The following NUGGC variants were observed in gnomAD, a reference collection of about 807,000 sequenced individuals.
The protein encoded by NUGGC is nuclear GTPase, germinal center associated, also known as nuclear GTPase SLIP-GC.
In NUGGC, 58 loss-of-function variants were observed where a neutral mutation model predicts 92.6. The ratio of observed to expected loss-of-function variants is 0.63; its 90% CI spans 0.51 to 0.78. The LOEUF is 0.78. Among genes scored for constraint, NUGGC ranks in the 30% least tolerant of loss-of-function variants. NUGGC has a pLI of 0.00. For missense variants in NUGGC, 925 were observed against 964.6 expected, an observed-to-expected ratio of 0.96 and a Z score of 0.54; for synonymous variants, 376 against 366.4, an observed-to-expected ratio of 1.03 and a Z score of -0.30.
chr8:28,050,004 T>C (rs1809949443), intron 10 of NUGGC, among the ~76,000 whole-genome samples: 1 of 152,100 alleles, frequency 6.6e-6, no homozygotes, highest in African/African-American at 2.4e-5. Context: ...GGAGAATTCC[T>C]TGAGCCTGGG....
Position 28,022,005 on chromosome 8 carries a change from A to G in NUGGC, c.*1312T>C, listed in dbSNP as rs890916858. 8 of 152,222 alleles carry G rather than the reference A, an allele frequency of 5.3e-5. No individual in the cohort carries two copies. Among genetic ancestry groups the G allele is most frequent in the African/African-American group, 1.7e-4 (7 of 41,414 alleles). 9.4% of individuals were successfully genotyped at this position (152,222 alleles called of 1,614,324 possible). Reference sequence around the variant, plus strand: ...TTTATTTTGCAATGTTTTCCATAATACTTAAGTTTTTCAACGTTTAGATAT... The same window carrying G: ...TTTATTTTGCAATGTTTTCCATAATGCTTAAGTTTTTCAACGTTTAGATAT... On this transcript the variant is annotated 3_prime_UTR_variant, in exon 19 of 19. Coordinates refer to ENST00000413272, the MANE Select transcript of NUGGC (RefSeq NM_001010906.2).
chr8:28,050,169 G>A (rs191825224), intron 10 of NUGGC, among the ~76,000 whole-genome samples: 20 of 151,386 alleles, frequency 1.3e-4, no homozygotes, highest in Admixed American at 7.2e-4. Flanking sequence ...GCAAATCACC[G>A]GAGGTCTGGA....
chr8:28,024,195 CTT>C (rs763885790), intron 18 of NUGGC, among the ~76,000 whole-genome samples: 20 of 124,004 alleles, frequency 1.6e-4, no homozygotes, highest in African/African-American at 5.2e-4. Context: ...TAAATTCTTT[CTT>C]TTTTTTTTTT....
Position 28,029,404 on chromosome 8 carries a change from T to C in NUGGC, c.2018-2A>G, listed in dbSNP as rs1283999063. 5.0e-6 allele frequency: 8 copies of C among 1,611,862 alleles called. No individual in the cohort carries two copies. In the Admixed American group the frequency reaches 6.7e-5, roughly 13 times the overall value. On this transcript the variant is annotated splice_acceptor_variant, in intron 16 of 18. Transcript: ENST00000413272. LOFTEE classifies it high-confidence loss of function. ...TTTTGCCCGTGATCTGAGCTGCCTC[T>C]GGCAAAAATGATAGCCACAGTCACA...
intron 5 of NUGGC, 60 bp from the exon 6 acceptor site, chr8:28,067,804 CAG>C: frequency 7.5e-7 from 1 of 1,339,472 alleles, no homozygotes; most frequent in Non-Finnish European, 1.1e-6. Flanking sequence ...CACCGACAAA[CAG>C]AGGGGCCCAT....
Position 28,045,517 on chromosome 8 carries a change from T to C in NUGGC, c.1446+10A>G. 1 of 1,610,334 alleles carries C rather than the reference T, an allele frequency of 6.2e-7. No individual in the cohort carries two copies. Among genetic ancestry groups the C allele is most frequent in the South Asian group, 1.1e-5 (1 of 90,362 alleles). On this transcript the variant is annotated intron_variant, in intron 12 of 18. Coordinates refer to ENST00000413272, the MANE Select transcript of NUGGC (RefSeq NM_001010906.2). ...AGGGGGAGAATATGAAAACCCAGTGTCTTCCATACCGGCAGGTTTTGCGTG... is the reference window on the plus strand; with the variant it reads ...AGGGGGAGAATATGAAAACCCAGTGCCTTCCATACCGGCAGGTTTTGCGTG...
intron 1 of NUGGC, among the ~76,000 whole-genome samples, chr8:28,079,840 G>A (rs572604221): frequency 5.9e-5 from 9 of 152,354 alleles, no homozygotes; most frequent in African/African-American, 1.9e-4. Flanking sequence ...GGGAGAGAGA[G>A]TAGCAACTTG....
intron 18 of NUGGC, among the ~76,000 whole-genome samples, chr8:28,025,717 C>T (rs751128355): frequency 1.1e-4 from 16 of 152,130 alleles, no homozygotes; most frequent in Non-Finnish European, 1.9e-4. Flanking sequence ...AAGTGCAGAA[C>T]GGATTGTTAG....
intron 1 of NUGGC, among the ~76,000 whole-genome samples, chr8:28,083,556 T>C (rs1370672977): frequency 6.6e-6 from 1 of 152,152 alleles, no homozygotes; most frequent in African/African-American, 2.4e-5. Flanking sequence ...AAGCACAGAC[T>C]TTAGTTTAAG....
intron 12 of NUGGC, among the ~76,000 whole-genome samples, chr8:28,044,982 G>A (rs1809793685): frequency 6.6e-6 from 1 of 152,172 alleles, no homozygotes; most frequent in African/African-American, 2.4e-5. Context: ...CAATTACTAT[G>A]AGAAAAGTAA....
intron 1 of NUGGC, among the ~76,000 whole-genome samples, chr8:28,077,978 G>A (rs1345811965): frequency 6.6e-6 from 1 of 152,140 alleles, no homozygotes; most frequent in Non-Finnish European, 1.5e-5. Flanking sequence ...AGTAGTTTTG[G>A]CTTCTTTCAG....
rs1248239309 is a variant in NUGGC at position 28,032,610 on chromosome 8, C to T, written c.1769+930G>A. On this transcript the variant is annotated intron_variant, in intron 14 of 18. Transcript: ENST00000413272. ...GCAGGTGCCTATAGTCCCAGCTACT[C>T]GGGAGGCTGAGGCAGGAGAATGGTG... 5.3e-5 allele frequency among the ~76,000 whole-genome samples: 8 copies of T among 150,362 alleles called. No individual in the cohort carries two copies. The South Asian group carries it at 8.5e-4, about 16-fold the overall frequency.
At chr8:28,071,680 T>C (rs945322565) in intron 2 of NUGGC, among the ~76,000 whole-genome samples, 1 of 152,172 alleles carries the variant, frequency 6.6e-6, no homozygotes, top group Non-Finnish European at 1.5e-5. Context: ...AACCAAAATG[T>C]TGTGTTTTAG....
intron 8 of NUGGC, among the ~76,000 whole-genome samples, chr8:28,058,886 T>C (rs1810220594): frequency 6.6e-6 from 1 of 151,948 alleles, no homozygotes; most frequent in Admixed American, 6.6e-5. Context: ...TTGTATTTTT[T>C]AGTACAGATG....
chr8:28,060,369 A>G, intron 8 of NUGGC, 57 bp downstream of exon 8: 1 of 1,496,450 alleles, frequency 6.7e-7, no homozygotes, highest in Non-Finnish European at 9.3e-7. Context: ...TGTAGTCAGG[A>G]CCCACAGAGG....
intron 4 of NUGGC, 101 bp from the exon 5 acceptor site, chr8:28,068,539 T>C (rs1044600333): frequency 2.4e-5 from 18 of 765,144 alleles, no homozygotes; most frequent in African/African-American, 1.6e-4. Context: ...CCCGGGCACG[T>C]CACTACAACC....
At chr8:28,044,839 A>G (rs1270140299) in intron 12 of NUGGC, among the ~76,000 whole-genome samples, 4 of 152,212 alleles carry the variant, frequency 2.6e-5, no homozygotes, top group African/African-American at 9.7e-5. Flanking sequence ...TATCTCTCAT[A>G]AGGAGACAAC....
At chr8:28,056,810 T>C (rs1245687468) in intron 9 of NUGGC, among the ~76,000 whole-genome samples, 2 of 152,284 alleles carry the variant, frequency 1.3e-5, no homozygotes, top group East Asian at 3.9e-4. Flanking sequence ...AAGAGGAATG[T>C]AAACAAACAT....
intron 17 of NUGGC, 116 bp from the exon 18 acceptor site, chr8:28,027,168 A>C (rs540566770): frequency 1.2e-6 from 1 of 811,924 alleles, no homozygotes; most frequent in South Asian, 1.5e-5. Flanking sequence ...GGGGTTGCCA[A>C]AGTCAGGCTT....
Sources: allele counts gnomAD v4.1 joint callset (sites outside exome capture counted in the v4.1 genomes callset), GRCh38; gene constraint gnomAD v4.1.1; transcripts MANE v1.5; gene names NCBI Gene and HGNC (gene_info 2026-07-23, HGNC 2026-07-21).